The following SVIL variants were observed in gnomAD, a reference collection of about 807,000 sequenced individuals.
The protein encoded by SVIL is archvillin.
SVIL carries 101 observed loss-of-function variants against 240.4 expected under a neutral mutation model. The observed-to-expected ratio is 0.42, with a 90% CI of 0.36 to 0.50. The LOEUF is 0.50. Ranked by LOEUF, SVIL falls within the 20% of genes least tolerant of loss-of-function variation. The probability of loss-of-function intolerance (pLI) is 0.01; values close to 1 mark genes in which losing one functional copy is unlikely to be tolerated. For synonymous variants in SVIL, 999 were observed against 1,100.0 expected (o/e 0.91, Z 1.82); for missense variants, 2,512 against 2,818.7 (o/e 0.89, Z 2.46).
chr10:29,663,052 G>A (rs1959176666), intron 2 of SVIL, among the ~76,000 whole-genome samples: 2 of 152,204 alleles, frequency 1.3e-5, no homozygotes, highest in African/African-American at 4.8e-5. Context: ...ATTTGAGGCT[G>A]CAGTGAGCTA....
In SVIL at chr10:29,735,085, AGCTCCACTCGGGGT is replaced by A. The variant is rs1964820661; in HGVS notation, c.-400+652_-400+665del. Among the ~76,000 whole-genome samples the A allele has an allele frequency of 6.6e-6, 1 of 151,092 alleles. No homozygotes were observed. Among genetic ancestry groups the A allele is most frequent in the African/African-American group, 2.4e-5 (1 of 41,022 alleles). On this transcript the variant is annotated intron_variant, in intron 1 of 35. Transcript: ENST00000375400. The surrounding 1 kb of genome is among the most constrained non-coding windows in gnomAD (Gnocchi z 4.1). ...CTGTAATGCAATTACCGCCTTCTGG[AGCTCCACTCGGGGT>A]GCCAGGGACTGCTGGCTGTCACCCG...
chr10:29,722,735 T>A (rs188205787), intron 1 of SVIL, among the ~76,000 whole-genome samples: 47 of 152,340 alleles, frequency 3.1e-4, no homozygotes, highest in African/African-American at 1.1e-3. Context: ...ACTCCAACCC[T>A]AATTGGACAG....
At chr10:29,648,402 C>A (rs1958734005) in intron 3 of SVIL, among the ~76,000 whole-genome samples, 1 of 152,154 alleles carries the variant, frequency 6.6e-6, no homozygotes, top group East Asian at 1.9e-4. Context: ...TTGCACAGAT[C>A]CACTCTGAGC....
chr10:29,725,028 CAAAAAAAAAAA>C (rs1187861054), intron 1 of SVIL, among the ~76,000 whole-genome samples: 1 of 40,922 alleles, frequency 2.4e-5, no homozygotes, highest in Admixed American at 3.4e-4. Flanking sequence ...GACCCGGTCT[CAAAAAAAAAAA>C]AAAAAAAAAA....
At chr10:29,551,490 A>T (rs1589223732) in intron 5 of SVIL, among the ~76,000 whole-genome samples, 2 of 152,348 alleles carry the variant, frequency 1.3e-5, no homozygotes, top group Middle Eastern at 6.8e-3. Flanking sequence ...CACGTTCTGC[A>T]AGCCCCGTAA....
intron 6 of SVIL, among the ~76,000 whole-genome samples, chr10:29,542,961 G>A (rs897979451): frequency 3.9e-5 from 6 of 152,118 alleles, no homozygotes; most frequent in Admixed American, 1.3e-4. Flanking sequence ...GCCAAGCTGA[G>A]CCAAGCTCCA....
chr10:29,487,171 T>G lies in SVIL; in HGVS notation c.4477A>C (p.Lys1493Gln), dbSNP rs1432361299. The G allele has an allele frequency of 1.9e-6, 3 of 1,613,922 alleles. No homozygotes were observed. Among genetic ancestry groups the G allele is most frequent in the South Asian group, 2.2e-5 (2 of 91,062 alleles). ...WVGEFANVIE[K>Q]AKASELATLI... ...ATTTTTCAGGTACCAACCTTCGCCT[T>G]TTCTATGACGTTTGCAAACTCTCCT... The change falls in exon 24 of 38, where the codon AAG (lysine) becomes CAG (glutamine). Residue 1493 changes from lysine to glutamine, a missense_variant. Physicochemically the swap from Lys to Gln is moderately conservative, Grantham distance 53. Around this residue, in one of 3 missense-constraint regions of SVIL, gnomAD observed 272 missense variants for 406.8 expected, o/e 0.67. Transcript: ENST00000355867.
intron 17 of SVIL, among the ~76,000 whole-genome samples, chr10:29,499,999 A>G (rs115601379): frequency 0.043 from 6,544 of 152,166 alleles, 462 homozygotes; most frequent in African/African-American, 0.15. Flanking sequence ...CAAGCCATTG[A>G]TGATGCTCAT....
chr10:29,653,492 C>T (rs1251300013), intron 3 of SVIL, among the ~76,000 whole-genome samples: 5 of 152,072 alleles, frequency 3.3e-5, no homozygotes, highest in Admixed American at 6.6e-5. Flanking sequence ...TATAGCAATG[C>T]GAGAATGGAC....
chr10:29,463,465 C>A (rs1375342702), intron 35 of SVIL, 27 bp downstream of exon 35: 1 of 1,610,408 alleles, frequency 6.2e-7, no homozygotes, highest in Non-Finnish European at 8.5e-7. Flanking sequence ...CTGTTCCGTG[C>A]TGCAGGCATG....
chr10:29,541,732 C>G (rs1427380391), intron 6 of SVIL, among the ~76,000 whole-genome samples: 1 of 152,162 alleles, frequency 6.6e-6, no homozygotes, highest in Non-Finnish European at 1.5e-5. Flanking sequence ...AACCATCACT[C>G]CTAGAATAAG....
At chr10:29,627,884 ATGTG>A (rs1192353786) in intron 1 of SVIL, among the ~76,000 whole-genome samples, 1 of 152,214 alleles carries the variant, frequency 6.6e-6, no homozygotes, top group Non-Finnish European at 1.5e-5. Flanking sequence ...CCAAATGGTT[ATGTG>A]TGTGTGGCTA....
chr10:29,514,314 G>A (rs1376709768), intron 16 of SVIL, among the ~76,000 whole-genome samples: 1 of 151,462 alleles, frequency 6.6e-6, no homozygotes, highest in Non-Finnish European at 1.5e-5. Context: ...ACGGTTCACT[G>A]CAGCCTCGAA....
At chr10:29,631,254 C>G (rs1197211603) in intron 1 of SVIL, among the ~76,000 whole-genome samples, 1 of 152,236 alleles carries the variant, frequency 6.6e-6, no homozygotes, top group African/African-American at 2.4e-5. Flanking sequence ...AAGATGAGAT[C>G]TTTGTTTAGG....
Position 29,569,241 on chromosome 10 carries a change from C to G in SVIL, c.-143+14G>C, listed in dbSNP as rs1286378144. 4 of 984,900 alleles carry G rather than the reference C, an allele frequency of 4.1e-6. No individual in the cohort carries two copies. The African/African-American group carries it at 5.2e-5, about 13-fold the overall frequency. 61.0% of individuals were successfully genotyped at this position (984,900 alleles called of 1,614,324 possible). A position where few individuals can be genotyped will look rare whatever the true frequency, so the allele number is the denominator to read the frequency against. On this transcript the variant is annotated intron_variant, in intron 2 of 37. Transcript: ENST00000355867. Reference sequence around the variant, plus strand: ...CTTCAAAATTTCACAGTTGTTGAGACAAGGCCACTTTACCTTGAAACTTTC... The same window carrying G: ...CTTCAAAATTTCACAGTTGTTGAGAGAAGGCCACTTTACCTTGAAACTTTC...
intron 1 of SVIL, among the ~76,000 whole-genome samples, chr10:29,596,225 C>T (rs1288833546): frequency 6.6e-6 from 1 of 152,184 alleles, no homozygotes; most frequent in Non-Finnish European, 1.5e-5. Flanking sequence ...ATTCCCAGCC[C>T]TTTGGGAGGC....
chr10:29,632,197 A>G (rs1958123276), intron 1 of SVIL, among the ~76,000 whole-genome samples: 2 of 152,172 alleles, frequency 1.3e-5, no homozygotes, highest in African/African-American at 2.4e-5. Flanking sequence ...ACTGTAGAAT[A>G]TTAAATAACT....
At chr10:29,476,598 T>C (rs1028944018) in intron 29 of SVIL, among the ~76,000 whole-genome samples, 1 of 152,116 alleles carries the variant, frequency 6.6e-6, no homozygotes, top group African/African-American at 2.4e-5. Context: ...AAACAAGGTC[T>C]CTCACTATGT....
chr10:29,550,556 TG>T lies in SVIL; in HGVS notation c.827+40del, dbSNP rs762607804. 2.1e-5 allele frequency: 32 copies of T among 1,521,768 alleles called. No individual in the cohort carries two copies. In the African/African-American group the frequency reaches 4.3e-4, roughly 20 times the overall value. 94.3% of individuals were successfully genotyped at this position (1,521,768 alleles called of 1,614,324 possible). A position where few individuals can be genotyped will look rare whatever the true frequency, so the allele number is the denominator to read the frequency against. ...ACACAGAGAGGCAAAAAGAAGGTAT[TG>T]TCCTGCGTTCAGGGTGCTTAGCGTG... On this transcript the variant is annotated intron_variant, in intron 6 of 37. Transcript: ENST00000355867.
Sources: allele counts gnomAD v4.1 joint callset (sites outside exome capture counted in the v4.1 genomes callset), GRCh38; gene constraint gnomAD v4.1.1; regional missense constraint gnomAD v4.1.1; non-coding constraint Gnocchi (gnomAD v3.1); transcripts MANE v1.5; gene names NCBI Gene and HGNC (gene_info 2026-07-23, HGNC 2026-07-21).